Variants in MAGI1 observed in about 807,000 individuals in gnomAD.
MAGI1 encodes membrane-associated guanylate kinase, WW and PDZ domain-containing protein 1.
MAGI1 carries 58 observed loss-of-function variants against 139.9 expected under a neutral mutation model. The ratio of observed to expected loss-of-function variants is 0.41; its 90% CI spans 0.34 to 0.52. The LOEUF (loss-of-function observed/expected upper bound fraction) is 0.52, where lower values mean the gene tolerates loss of function less well. Among genes scored for constraint, MAGI1 ranks in the 20% least tolerant of loss-of-function variants. The probability of loss-of-function intolerance (pLI) is 0.12; values close to 1 mark genes in which losing one functional copy is unlikely to be tolerated. For synonymous variants in MAGI1, 812 were observed against 737.9 expected, an observed-to-expected ratio of 1.10 and a Z score of -1.63; for missense variants, 1,874 against 1,901.6, an observed-to-expected ratio of 0.99 and a Z score of 0.27.
At position 65,878,598 on chromosome 3, in the gene MAGI1, C is replaced by T. The variant is rs1050702137; in HGVS notation, c.313+159398G>A. On this transcript the variant is annotated intron_variant, in intron 1 of 22. Transcript: ENST00000402939. Reference sequence around the variant, plus strand: ...AAATAAATTATTATTCTCTACCATCCTCGAATAAGTGTTTATTATACCCCA... The same window carrying T: ...AAATAAATTATTATTCTCTACCATCTTCGAATAAGTGTTTATTATACCCCA... 4.0e-5 allele frequency among the ~76,000 whole-genome samples: 6 copies of T among 151,624 alleles called. No homozygotes were observed. The East Asian group carries it at 5.8e-4, about 15-fold the overall frequency.
chr3:65,986,851 T>C (rs962790618), intron 1 of MAGI1, among the ~76,000 whole-genome samples: 2 of 149,426 alleles, frequency 1.3e-5, no homozygotes, highest in African/African-American at 4.9e-5. Context: ...TGAAGGTAAG[T>C]AGTGCAATTA....
At chr3:65,938,647 CA>C (rs1294313591) in intron 1 of MAGI1, among the ~76,000 whole-genome samples, 1 of 152,140 alleles carries the variant, frequency 6.6e-6, no homozygotes, top group Non-Finnish European at 1.5e-5. Flanking sequence ...ATCAAGCATG[CA>C]CCTCTTTGAA....
intron 2 of MAGI1, among the ~76,000 whole-genome samples, chr3:65,585,380 G>T (rs2081624277): frequency 6.6e-6 from 1 of 152,194 alleles, no homozygotes; most frequent in Non-Finnish European, 1.5e-5. Context: ...CTTCACAAAA[G>T]AAAATATACA....
intron 1 of MAGI1, among the ~76,000 whole-genome samples, chr3:65,689,483 A>T (rs1393452010): frequency 1.3e-5 from 2 of 152,178 alleles, no homozygotes; most frequent in African/African-American, 4.8e-5. Context: ...AAATAAAAAT[A>T]AAAAACCACT....
chr3:65,708,210 C>T (rs1487472138), intron 1 of MAGI1, among the ~76,000 whole-genome samples: 1 of 152,122 alleles, frequency 6.6e-6, no homozygotes, highest in Non-Finnish European at 1.5e-5. Flanking sequence ...CTGGCTTTTC[C>T]CCCCTTTTAA....
At chr3:65,415,996 AT>A (rs1167015771) in intron 12 of MAGI1, among the ~76,000 whole-genome samples, 1 of 152,152 alleles carries the variant, frequency 6.6e-6, no homozygotes, top group African/African-American at 2.4e-5. Flanking sequence ...ATCATCTGCC[AT>A]TTTGGTAAGT....
chr3:65,827,922 G>A (rs1341003504), intron 1 of MAGI1, among the ~76,000 whole-genome samples: 1 of 152,062 alleles, frequency 6.6e-6, no homozygotes, highest in Non-Finnish European at 1.5e-5. Context: ...GCATCTTTAT[G>A]TCTATCATGA....
intron 5 of MAGI1, among the ~76,000 whole-genome samples, chr3:65,462,323 A>C (rs1949854827): frequency 6.6e-6 from 1 of 152,192 alleles, no homozygotes; most frequent in Non-Finnish European, 1.5e-5. Flanking sequence ...ATCCAGTTTC[A>C]GTTTTCTGCA....
chr3:65,938,140 C>G (rs2063149832), intron 1 of MAGI1, among the ~76,000 whole-genome samples: 1 of 151,860 alleles, frequency 6.6e-6, no homozygotes, highest in African/African-American at 2.4e-5. Flanking sequence ...ATTACCTAAG[C>G]TACAAATAAA....
At chr3:65,932,836 T>C (rs1560027863) in intron 1 of MAGI1, among the ~76,000 whole-genome samples, 1 of 152,226 alleles carries the variant, frequency 6.6e-6, no homozygotes, top group Admixed American at 6.5e-5. Flanking sequence ...CTCTAGATAA[T>C]AAATTATCCT....
chr3:65,790,146 C>G (rs9818064), intron 1 of MAGI1, among the ~76,000 whole-genome samples: 7,531 of 152,256 alleles, frequency 0.049, 327 homozygotes, highest in African/African-American at 0.12. Context: ...ACAGGCTAGG[C>G]AAGTTTACGC....
chr3:65,883,514 C>T (rs2060416229), intron 1 of MAGI1, among the ~76,000 whole-genome samples: 1 of 152,166 alleles, frequency 6.6e-6, no homozygotes, highest in African/African-American at 2.4e-5. Context: ...TGGAATTGTA[C>T]AGAAACTGGC....
intron 1 of MAGI1, among the ~76,000 whole-genome samples, chr3:65,671,969 C>T (rs1369758678): frequency 2.0e-5 from 3 of 152,090 alleles, no homozygotes; most frequent in Admixed American, 2.0e-4. Context: ...AAATTGGGCA[C>T]AATTATCACT....
intron 1 of MAGI1, among the ~76,000 whole-genome samples, chr3:66,001,707 C>T (rs1341721965): frequency 6.6e-6 from 1 of 152,134 alleles, no homozygotes; most frequent in African/African-American, 2.4e-5. Flanking sequence ...TCCTACCTGC[C>T]CTTCCAATTT....
chr3:65,918,351 C>T (rs1283995084), intron 1 of MAGI1, among the ~76,000 whole-genome samples: 2 of 151,124 alleles, frequency 1.3e-5, no homozygotes, highest in African/African-American at 4.9e-5. Flanking sequence ...CATATATTCA[C>T]CTGTGCATTA....
Position 65,543,906 on chromosome 3 carries a change from A to G in MAGI1, c.431-50275T>C, listed in dbSNP as rs1001391496. ...TCCCAGAACTTACAAGTATAATAATAATAAAACACAGGAAGATGTTTATCA... is the reference window on the plus strand; with the variant it reads ...TCCCAGAACTTACAAGTATAATAATGATAAAACACAGGAAGATGTTTATCA... On this transcript the variant is annotated intron_variant, in intron 2 of 22. Coordinates refer to ENST00000402939, the MANE Select transcript of MAGI1 (RefSeq NM_001033057.2). Among the ~76,000 whole-genome samples the G allele has an allele frequency of 5.3e-5, 8 of 152,298 alleles. No individual in the cohort carries two copies. The East Asian group carries it at 1.5e-3, about 29-fold the overall frequency.
chr3:65,999,030 C>T (rs913504683), intron 1 of MAGI1, among the ~76,000 whole-genome samples: 3 of 152,224 alleles, frequency 2.0e-5, no homozygotes, highest in African/African-American at 7.2e-5. Context: ...GACCCTTTAT[C>T]ACTCAAGGTA....
intron 1 of MAGI1, among the ~76,000 whole-genome samples, chr3:65,822,024 C>T (rs1215078430): frequency 6.6e-6 from 1 of 152,176 alleles, no homozygotes. Flanking sequence ...GCCTATAACA[C>T]CTACCAACCT....
intron 2 of MAGI1, among the ~76,000 whole-genome samples, chr3:65,529,561 T>C (rs1291182549): frequency 6.6e-6 from 1 of 152,220 alleles, no homozygotes; most frequent in African/African-American, 2.4e-5. Context: ...GGCTGAGCAG[T>C]TGTATTCTCT....
Sources: gnomAD v4.1 joint callset for allele counts (sites outside exome capture counted in the v4.1 genomes callset) on GRCh38, gnomAD v4.1.1 for gene constraint, MANE v1.5 for transcripts, NCBI Gene and HGNC (gene_info 2026-07-23, HGNC 2026-07-21) for gene names.